Variants in ZFHX3 observed in about 807,000 individuals in gnomAD.
ZFHX3 encodes the protein zinc finger homeobox protein 3.
A neutral mutation model predicts 279.1 loss-of-function variants in ZFHX3; 42 were observed. The observed-to-expected ratio is 0.15, with a 90% CI of 0.12 to 0.19. The LOEUF is 0.19. ZFHX3 is among the 10% of genes least tolerant of loss of function. The pLI is 1.00. For synonymous variants in ZFHX3, 2,293 were observed against 1,957.8 expected, an observed-to-expected ratio of 1.17 and a Z score of -4.52; for missense variants, 4,981 against 4,754.0, an observed-to-expected ratio of 1.05 and a Z score of -1.40.
At chr16:72,932,185 T>A (rs932502931) in intron 3 of ZFHX3, among the ~76,000 whole-genome samples, 1 of 152,164 alleles carries the variant, frequency 6.6e-6, no homozygotes, top group African/African-American at 2.4e-5. Flanking sequence ...ATAAGGGAAA[T>A]ACATGTGTGT....
intron 7 of ZFHX3, among the ~76,000 whole-genome samples, chr16:73,108,713 C>G (rs956338250): frequency 6.6e-6 from 1 of 152,216 alleles, no homozygotes; most frequent in African/African-American, 2.4e-5. Flanking sequence ...CTGGCCTTCT[C>G]CACTGTGGTT....
chr16:73,304,409 G>A (rs754884722), intron 4 of ZFHX3, among the ~76,000 whole-genome samples: 1 of 152,128 alleles, frequency 6.6e-6, no homozygotes, highest in Non-Finnish European at 1.5e-5. Context: ...TGAGGTCCCC[G>A]CGTGCCTCTG....
rs1242964818 is a variant in ZFHX3 at position 73,525,729 on chromosome 16, A to G, written c.-1546-69471T>C. Among the ~76,000 whole-genome samples the G allele has an allele frequency of 2.0e-5, 3 of 152,198 alleles. No individual in the cohort carries two copies. The East Asian group carries it at 5.8e-4, about 29-fold the overall frequency. ...CCAATATCTCCCCGACCTCCTAGAGAGACCAAGGAAGGGTTCAGGCTTAAT... is the reference window on the plus strand; with the variant it reads ...CCAATATCTCCCCGACCTCCTAGAGGGACCAAGGAAGGGTTCAGGCTTAAT... On this transcript the variant is annotated intron_variant, in intron 2 of 17. Transcript: ENST00000641206.
At chr16:73,001,997 C>T (rs1597076537) in intron 1 of ZFHX3, among the ~76,000 whole-genome samples, 2 of 152,142 alleles carry the variant, frequency 1.3e-5, no homozygotes, top group African/African-American at 2.4e-5. Context: ...CTGGGCCTCT[C>T]TCCATCCTCA....
chr16:73,547,353 G>A (rs1402548998), intron 2 of ZFHX3, among the ~76,000 whole-genome samples: 2 of 152,196 alleles, frequency 1.3e-5, no homozygotes, highest in East Asian at 1.9e-4. Flanking sequence ...TAAAAAGAAA[G>A]TAATACCCTG....
chr16:73,418,113 C>T (rs997254224), intron 3 of ZFHX3, among the ~76,000 whole-genome samples: 43 of 152,144 alleles, frequency 2.8e-4, no homozygotes, highest in African/African-American at 1.0e-3. Context: ...CTTCTAAATC[C>T]TAAAAGATGG....
intron 2 of ZFHX3, among the ~76,000 whole-genome samples, chr16:73,550,840 G>C (rs2020192518): frequency 6.6e-6 from 1 of 152,108 alleles, no homozygotes; most frequent in South Asian, 2.1e-4. Flanking sequence ...CTTCTGAAAG[G>C]GAATTATTTT....
At chr16:72,891,841 C>T (rs1242790404) in intron 3 of ZFHX3, among the ~76,000 whole-genome samples, 1 of 152,222 alleles carries the variant, frequency 6.6e-6, no homozygotes, top group African/African-American at 2.4e-5. Flanking sequence ...GGCAGGCACA[C>T]AACAAACGTC....
At chr16:73,817,845 C>G (rs1477023939) in intron 1 of ZFHX3, among the ~76,000 whole-genome samples, 1 of 152,160 alleles carries the variant, frequency 6.6e-6, no homozygotes, top group Non-Finnish European at 1.5e-5. Context: ...GAATTTATGG[C>G]AGGATAATGT....
chr16:73,439,539 C>T (rs2018050537), intron 3 of ZFHX3, among the ~76,000 whole-genome samples: 1 of 151,928 alleles, frequency 6.6e-6, no homozygotes, highest in African/African-American at 2.4e-5. Context: ...CTTACCGATG[C>T]TACACTCTTT....
chr16:73,292,056 T>C (rs760571601), intron 4 of ZFHX3, among the ~76,000 whole-genome samples: 1 of 152,230 alleles, frequency 6.6e-6, no homozygotes, highest in Non-Finnish European at 1.5e-5. Context: ...TGAGATGCCA[T>C]GTAAGACCAT....
chr16:73,724,119 G>T (rs923460425), intron 1 of ZFHX3, among the ~76,000 whole-genome samples: 1 of 152,164 alleles, frequency 6.6e-6, no homozygotes, highest in African/African-American at 2.4e-5. Context: ...GGTGAATAAG[G>T]TTAGGTGGAA....
intron 3 of ZFHX3, among the ~76,000 whole-genome samples, chr16:73,386,531 T>C (rs13337910): frequency 0.32 from 48,041 of 152,108 alleles, 9,651 homozygotes; most frequent in Non-Finnish European, 0.46. Flanking sequence ...ATAACATTAA[T>C]ATTGTTTTAG....
At chr16:73,603,169 C>T (rs2143865882) in intron 2 of ZFHX3, among the ~76,000 whole-genome samples, 1 of 151,572 alleles carries the variant, frequency 6.6e-6, no homozygotes, top group Non-Finnish European at 1.5e-5. Flanking sequence ...TCTGTAGTCC[C>T]AGCTACTCAG....
At chr16:73,472,302 T>C (rs1266156241) in intron 2 of ZFHX3, among the ~76,000 whole-genome samples, 1 of 149,426 alleles carries the variant, frequency 6.7e-6, no homozygotes, top group East Asian at 2.0e-4. Context: ...ATATCTAAAG[T>C]CCCAAAGACA....
chr16:73,401,738 C>T (rs1276767971), intron 3 of ZFHX3: 1 of 152,194 alleles, frequency 6.6e-6, no homozygotes, highest in Non-Finnish European at 1.5e-5. Context: ...TCTAAAATGT[C>T]TCCAGCCTAC....
At chr16:73,070,640 G>C (rs1965810595) in intron 8 of ZFHX3, among the ~76,000 whole-genome samples, 1 of 152,014 alleles carries the variant, frequency 6.6e-6, no homozygotes, top group African/African-American at 2.4e-5. Flanking sequence ...TGCCTTTATG[G>C]AGTCTATTTC....
chr16:73,182,283 C>T (rs563839471), intron 5 of ZFHX3, among the ~76,000 whole-genome samples: 1 of 152,290 alleles, frequency 6.6e-6, no homozygotes, highest in Admixed American at 6.5e-5. Flanking sequence ...ACAGTGAAAC[C>T]CCATCTCTAC....
At chr16:72,921,910 T>C (rs930726745) in intron 3 of ZFHX3, among the ~76,000 whole-genome samples, 3 of 152,088 alleles carry the variant, frequency 2.0e-5, no homozygotes, top group African/African-American at 7.2e-5. Context: ...CACGCACAGA[T>C]GCAAAACGAA....
Sources: allele counts gnomAD v4.1 joint callset (sites outside exome capture counted in the v4.1 genomes callset), GRCh38; gene constraint gnomAD v4.1.1; transcripts MANE v1.5; gene names NCBI Gene and HGNC (gene_info 2026-07-23, HGNC 2026-07-21).